MAFB: variants seen among roughly 807,000 people sequenced by gnomAD.
MAFB encodes the protein transcription factor MafB.
Under a neutral mutation model 17.7 loss-of-function variants are expected in MAFB, and 3 were observed. The observed-to-expected ratio is 0.17, with a 90% CI of 0.08 to 0.44. The LOEUF (loss-of-function observed/expected upper bound fraction) is 0.44, where lower values mean the gene tolerates loss of function less well. MAFB is among the 20% of genes least tolerant of loss of function. The pLI, the probability that MAFB is intolerant of heterozygous loss-of-function variation, is 0.99. For missense variants in MAFB, 355 were observed against 461.3 expected (o/e 0.77, Z 2.11); for synonymous variants, 214 against 211.5 (o/e 1.01, Z -0.10).
At position 40,687,098 on chromosome 20, in the gene MAFB, G is replaced by T. The variant is rs547728560; in HGVS notation, c.*781C>A. ...TGGGACTGAAACCCCGCACGCAGCCGCCGGAGTTTCCAAACTGCGATCCCT... is the reference window on the plus strand; with the variant it reads ...TGGGACTGAAACCCCGCACGCAGCCTCCGGAGTTTCCAAACTGCGATCCCT... On this transcript the variant is annotated 3_prime_UTR_variant, in exon 1 of 1. Coordinates refer to ENST00000373313, the MANE Select transcript of MAFB (RefSeq NM_005461.5). 1.0e-5 allele frequency: 4 copies of T among 398,914 alleles called. No homozygotes were observed. In the South Asian group the frequency reaches 3.8e-4, roughly 38 times the overall value. The allele number at this position is 398,914 out of a possible 1,614,324, so 24.7% of individuals were successfully genotyped here.
chr20:40,686,280 C>A lies in MAFB; in HGVS notation c.*1599G>T. The A allele has an allele frequency of 5.0e-6, 1 of 201,566 alleles. No homozygotes were observed. Among genetic ancestry groups the A allele is most frequent in the Non-Finnish European group, 9.2e-6 (1 of 108,836 alleles). The allele number at this position is 201,566 out of a possible 1,614,324, so 12.5% of individuals were successfully genotyped here. A position where few individuals can be genotyped will look rare whatever the true frequency, so the allele number is the denominator to read the frequency against. Reference sequence around the variant, plus strand: ...AGTGCAACTTAAATCCTTTTACTGACCTGCAGAAAAAAAAAAGTAATAATA... The same window carrying A: ...AGTGCAACTTAAATCCTTTTACTGAACTGCAGAAAAAAAAAAGTAATAATA... On this transcript the variant is annotated 3_prime_UTR_variant, in exon 1 of 1. Coordinates refer to ENST00000373313, the MANE Select transcript of MAFB (RefSeq NM_005461.5).
Position 40,687,168 on chromosome 20 carries a change from A to T in MAFB, c.*711T>A. 1 of 399,042 alleles carries T rather than the reference A, an allele frequency of 2.5e-6. No individual in the cohort carries two copies. Among genetic ancestry groups the T allele is most frequent in the Non-Finnish European group, 4.4e-6 (1 of 226,086 alleles). 24.7% of individuals were successfully genotyped at this position (399,042 alleles called of 1,614,324 possible). A position where few individuals can be genotyped will look rare whatever the true frequency, so the allele number is the denominator to read the frequency against. ...GGGAGTATGATCCATGATCAACAAC[A>T]TGCTAAAGTTAAACAAGAAAATGGT... is the stretch of plus-strand genomic sequence containing the variant. On this transcript the variant is annotated 3_prime_UTR_variant, in exon 1 of 1. Transcript: ENST00000373313.
At position 40,686,652 on chromosome 20, in the gene MAFB, G is replaced by A. The variant is rs573464906; in HGVS notation, c.*1227C>T. On this transcript the variant is annotated 3_prime_UTR_variant, in exon 1 of 1. Transcript: ENST00000373313. Reference sequence around the variant, plus strand: ...GATTCTGGTTACAATAAAAAGCAGAGGGGAGGATCTGTTTTCCTTTCCTTT... The same window carrying A: ...GATTCTGGTTACAATAAAAAGCAGAAGGGAGGATCTGTTTTCCTTTCCTTT... The A allele has an allele frequency of 2.5e-6, 1 of 398,458 alleles. No homozygotes were observed. Among genetic ancestry groups the A allele is most frequent in the Non-Finnish European group, 4.4e-6 (1 of 226,082 alleles). The allele number at this position is 398,458 out of a possible 1,614,324, so 24.7% of individuals were successfully genotyped here.
At position 40,688,733 on chromosome 20, in the gene MAFB, C is replaced by G. The variant is rs760632449; in HGVS notation, c.118G>C (p.Glu40Gln). 1 of 1,613,906 alleles carries G rather than the reference C, an allele frequency of 6.2e-7. No homozygotes were observed. The highest frequency in any genetic ancestry group is 8.5e-7 in the Non-Finnish European group (1 of 1,179,906). ...CGTGTGCAGGGCCTGCCCGGACGCT[C>G]CGCGCGCCCCAGTGGCTCCTTCTTC... ...DVKKEPLGRA[E>Q]RPGRPCTRLQ... is the part of the protein sequence containing the mutation. The change falls in exon 1 of 1, where the codon GAG becomes CAG. Residue 40 changes from glutamate to glutamine, a missense_variant. Coordinates refer to ENST00000373313, the MANE Select transcript of MAFB (RefSeq NM_005461.5).
chr20:40,687,962 T>G lies in MAFB; in HGVS notation c.889A>C (p.Lys297Gln). Residue 297 changes from lysine (K) to glutamine (Q), a missense_variant, in exon 1 of 1, where the codon AAG becomes CAG. Lys to Gln is a moderately conservative substitution (Grantham distance 53). Transcript: ENST00000373313. The stretch of plus-strand genomic sequence containing the variant: ...CCGGAGTTGGCGAGTTTCTCGCACT[T>G]GACCTTGTAGGCGTCTCTCTCGCGG... ...LARERDAYKV[K>Q]CEKLANSGFR... 3 of 1,614,058 alleles carry G rather than the reference T, an allele frequency of 1.9e-6. No homozygotes were observed. The highest frequency in any genetic ancestry group is 1.1e-5 in the South Asian group (1 of 91,082).
Position 40,688,710 on chromosome 20 carries a change from T to C in MAFB, c.141A>G (p.Thr47=), listed in dbSNP as rs1344937831. ...GRAERPGRPC[T]RLQPAGSVSS... Reference sequence around the variant, plus strand: ...ACACCGAGCCGGCTGGCTGCAGGCGTGTGCAGGGCCTGCCCGGACGCTCCG... The same window carrying C: ...ACACCGAGCCGGCTGGCTGCAGGCGCGTGCAGGGCCTGCCCGGACGCTCCG... The change falls in exon 1 of 1, where the codon ACA becomes ACG. Residue 47 remains threonine (T), a synonymous_variant. Transcript: ENST00000373313. 6.2e-7 allele frequency: 1 copy of C among 1,613,858 alleles called. No homozygotes were observed. Among genetic ancestry groups the C allele is most frequent in the East Asian group, 2.2e-5 (1 of 44,870 alleles).
In MAFB at chr20:40,688,000, ACCT is replaced by A; in HGVS notation, c.848_850del (p.Glu283del). On this transcript the variant is annotated inframe_deletion, in exon 1 of 1. Transcript: ENST00000373313. ...GTCTCTCTCGCGGGCCAGCCGGGAC[ACCT>A]CCTGCTTAAGCTGCTCCACCTGCTG... 1 of 1,614,116 alleles carries A rather than the reference ACCT, an allele frequency of 6.2e-7. No individual in the cohort carries two copies. Among genetic ancestry groups the A allele is most frequent in the Non-Finnish European group, 8.5e-7 (1 of 1,180,022 alleles).
At position 40,688,443 on chromosome 20, in the gene MAFB, G is replaced by T; in HGVS notation, c.408C>A (p.His136Gln). The T allele has an allele frequency of 6.3e-7, 1 of 1,598,540 alleles. No homozygotes were observed. Among genetic ancestry groups the T allele is most frequent in the Non-Finnish European group, 8.5e-7 (1 of 1,176,976 alleles). The part of the protein sequence containing the change: ...SFRGAHHHHH[H>Q]HHPHPHHAYP... ...ACGCGTGGTGCGGGTGAGGGTGGTG[G>T]TGATGGTGGTGGTGGTGAGCGCCGC... Residue 136 changes from histidine (H) to glutamine (Q), a missense_variant, in exon 1 of 1, where the codon CAC becomes CAA. Transcript: ENST00000373313.
In MAFB at chr20:40,687,477, A is replaced by G; in HGVS notation, c.*402T>C. 5.4e-6 allele frequency: 2 copies of G among 371,980 alleles called. No individual in the cohort carries two copies. Among genetic ancestry groups the G allele is most frequent in the Non-Finnish European group, 9.5e-6 (2 of 209,484 alleles). The allele number at this position is 371,980 out of a possible 1,614,324, so 23.0% of individuals were successfully genotyped here. A position where few individuals can be genotyped will look rare whatever the true frequency, so the allele number is the denominator to read the frequency against. On this transcript the variant is annotated 3_prime_UTR_variant, in exon 1 of 1. Coordinates refer to ENST00000373313, the MANE Select transcript of MAFB (RefSeq NM_005461.5). ...CGTTGCTCTCTTCCTGGCGCGGACT[A>G]CTCTCCGGGCAGCAAAGCAGCTGTC...
chr20:40,689,189 CT>C lies in MAFB; in HGVS notation c.-340del. 3.0e-6 allele frequency: 1 copy of C among 334,352 alleles called. No homozygotes were observed. 20.7% of individuals were successfully genotyped at this position (334,352 alleles called of 1,614,324 possible). A position where few individuals can be genotyped will look rare whatever the true frequency, so the allele number is the denominator to read the frequency against. ...TTGCTCGCTCTCTAGCTCTCTTGCT[CT>C]TACGCTCTCTCGCTCGCAGCCGCTC... On this transcript the variant is annotated 5_prime_UTR_variant, in exon 1 of 1. Transcript: ENST00000373313.
Position 40,688,847 on chromosome 20 carries a change from C to T in MAFB, c.4G>A (p.Ala2Thr). ...TCTGGCCCCATGCTCAGCTCCGCGG[C>T]CATCGCTGAAGCGAGGCGCAGCCGC... M[A>T]AELSMGPELP... is the part of the protein sequence containing the mutation. The change falls in exon 1 of 1, where the codon GCC becomes ACC. Residue 2 changes from alanine to threonine, a missense_variant. Around this residue, in one of 3 missense-constraint regions of MAFB, gnomAD observed 285 missense variants for 350.0 expected, o/e 0.81. Coordinates refer to ENST00000373313, the MANE Select transcript of MAFB (RefSeq NM_005461.5). 2 of 1,605,918 alleles carry T rather than the reference C, an allele frequency of 1.2e-6. No homozygotes were observed. Among genetic ancestry groups the T allele is most frequent in the Non-Finnish European group, 1.7e-6 (2 of 1,176,360 alleles).
Position 40,688,822 on chromosome 20 carries a change from T to G in MAFB, c.29A>C (p.Glu10Ala), listed in dbSNP as rs756994138. 1 of 1,612,624 alleles carries G rather than the reference T, an allele frequency of 6.2e-7. No individual in the cohort carries two copies. The highest frequency in any genetic ancestry group is 2.2e-5 in the East Asian group (1 of 44,858). ...CATGGCCAGCGGGCTGGTGGGCAGC[T>G]CTGGCCCCATGCTCAGCTCCGCGGC... is the stretch of plus-strand genomic sequence containing the variant. Reference protein sequence around the residue: MAAELSMGPELPTSPLAMEY... With the variant: MAAELSMGPALPTSPLAMEY... The change falls in exon 1 of 1, where the codon GAG becomes GCG. Residue 10 changes from glutamate to alanine, a missense_variant. Transcript: ENST00000373313.
Position 40,686,934 on chromosome 20 carries a change from T to C in MAFB, c.*945A>G. ...GACAAAGTTGTTTTCTGATGCAAAA[T>C]GCCCGGAACTTTTTCTTTTTTTTTT... On this transcript the variant is annotated 3_prime_UTR_variant, in exon 1 of 1. Transcript: ENST00000373313. The C allele has an allele frequency of 2.5e-6, 1 of 393,276 alleles. No individual in the cohort carries two copies. 24.4% of individuals were successfully genotyped at this position (393,276 alleles called of 1,614,324 possible). A position where few individuals can be genotyped will look rare whatever the true frequency, so the allele number is the denominator to read the frequency against.
In MAFB at chr20:40,688,980, G is replaced by A. The variant is rs565077274; in HGVS notation, c.-130C>T. 1.1e-4 allele frequency: 138 copies of A among 1,291,680 alleles called. No individual in the cohort carries two copies. The highest frequency in any genetic ancestry group is 4.4e-4 in the South Asian group (24 of 55,144). 80.0% of individuals were successfully genotyped at this position (1,291,680 alleles called of 1,614,324 possible). A position where few individuals can be genotyped will look rare whatever the true frequency, so the allele number is the denominator to read the frequency against. On this transcript the variant is annotated 5_prime_UTR_variant, in exon 1 of 1. Transcript: ENST00000373313. ...GCGGGGAGCGAGGGCGCAGCGGGCC[G>A]GGGCCGCCGGCCAAGCCTTTGTCTG...
rs1046586441 is a variant in MAFB, at chr20:40,688,283, G to A, written c.568C>T (p.Pro190Ser). ...GCCGAGGCCGTCGCGTGCGGCCCGG[G>A]CCCGGGGTGGCTAGTGGGCAGCTGT... is the stretch of plus-strand genomic sequence containing the variant. ...AQQLPTSHPG[P>S]GPHATASATA... The change falls in exon 1 of 1, where the codon CCC (proline) becomes TCC (serine). Residue 190 changes from proline (P) to serine (S), a missense_variant. This residue lies in a region of MAFB where 285 missense variants were observed against 350.0 expected (regional missense o/e 0.81). Coordinates refer to ENST00000373313, the MANE Select transcript of MAFB (RefSeq NM_005461.5). The A allele has an allele frequency of 5.8e-6, 9 of 1,541,508 alleles. No individual in the cohort carries two copies. The highest frequency in any genetic ancestry group is 5.4e-5 in the African/African-American group (4 of 74,026).
Position 40,686,555 on chromosome 20 carries a change from C to A in MAFB, c.*1324G>T. The A allele has an allele frequency of 5.0e-6, 2 of 397,256 alleles. No homozygotes were observed. The highest frequency in any genetic ancestry group is 8.9e-6 in the Non-Finnish European group (2 of 225,786). 24.6% of individuals were successfully genotyped at this position (397,256 alleles called of 1,614,324 possible). ...ACTGCCAGGGTCAGGGATGGCTAAG[C>A]CTCTCACCCTAGGAGCGCTGTGGCT... On this transcript the variant is annotated 3_prime_UTR_variant, in exon 1 of 1. Coordinates refer to ENST00000373313, the MANE Select transcript of MAFB (RefSeq NM_005461.5).
chr20:40,687,733 C>CCG lies in MAFB; in HGVS notation c.*144_*145dup. 5 of 1,071,822 alleles carry CCG rather than the reference C, an allele frequency of 4.7e-6. No homozygotes were observed. Among genetic ancestry groups the CCG allele is most frequent in the Non-Finnish European group, 6.5e-6 (5 of 767,144 alleles). The allele number at this position is 1,071,822 out of a possible 1,614,324, so 66.4% of individuals were successfully genotyped here. On this transcript the variant is annotated 3_prime_UTR_variant, in exon 1 of 1. Coordinates refer to ENST00000373313, the MANE Select transcript of MAFB (RefSeq NM_005461.5). ...CGCGCACCCGCCCGTCGCCCGCGGCCCGCGCGCCCTTCCTCCCTCTCGCTC... is the reference window on the plus strand; with the variant it reads ...CGCGCACCCGCCCGTCGCCCGCGGCCCGCGCGCGCCCTTCCTCCCTCTCGCTC...
Position 40,687,110 on chromosome 20 carries a change from A to C in MAFB, c.*769T>G. The C allele has an allele frequency of 2.5e-6, 1 of 399,032 alleles. No individual in the cohort carries two copies. The highest frequency in any genetic ancestry group is 4.4e-6 in the Non-Finnish European group (1 of 226,074). 24.7% of individuals were successfully genotyped at this position (399,032 alleles called of 1,614,324 possible). A position where few individuals can be genotyped will look rare whatever the true frequency, so the allele number is the denominator to read the frequency against. On this transcript the variant is annotated 3_prime_UTR_variant, in exon 1 of 1. Transcript: ENST00000373313. Reference sequence around the variant, plus strand: ...CCCGCACGCAGCCGCCGGAGTTTCCAAACTGCGATCCCTTCTCACCCAAAG... The same window carrying C: ...CCCGCACGCAGCCGCCGGAGTTTCCCAACTGCGATCCCTTCTCACCCAAAG...
In MAFB at chr20:40,688,873, C is replaced by A; in HGVS notation, c.-23G>T. 6.4e-7 allele frequency: 1 copy of A among 1,568,710 alleles called. No homozygotes were observed. Among genetic ancestry groups the A allele is most frequent in the East Asian group, 2.3e-5 (1 of 43,408 alleles). On this transcript the variant is annotated 5_prime_UTR_variant, in exon 1 of 1. Coordinates refer to ENST00000373313, the MANE Select transcript of MAFB (RefSeq NM_005461.5). The stretch of plus-strand genomic sequence containing the variant: ...CATCGCTGAAGCGAGGCGCAGCCGC[C>A]GCTGCCGCCCGGGAAACTTTGCGGC...
Sources: gnomAD v4.1 joint callset for allele counts on GRCh38, gnomAD v4.1.1 for gene constraint, gnomAD v4.1.1 regional missense constraint, MANE v1.5 for transcripts, NCBI Gene and HGNC (gene_info 2026-07-23, HGNC 2026-07-21) for gene names.